Variants in USP9X observed in about 807,000 individuals in gnomAD.
USP9X encodes ubiquitin specific peptidase 9 X-linked.
A neutral mutation model predicts 190.3 loss-of-function variants in USP9X; 7 were observed. That is an observed-to-expected ratio of 0.04 (90% CI 0.02 to 0.07). The LOEUF (loss-of-function observed/expected upper bound fraction) is 0.07. USP9X is among the 10% of genes least tolerant of loss of function. The probability of loss-of-function intolerance (pLI) is 1.00; values close to 1 mark genes in which losing one functional copy is unlikely to be tolerated. For synonymous variants in USP9X, 645 were observed against 659.5 expected (o/e 0.98, Z 0.34); for missense variants, 1,010 against 1,916.9 (o/e 0.53, Z 8.83).
chrX:41,170,561 A>G lies in USP9X; in HGVS notation c.2969A>G (p.His990Arg), dbSNP rs1303152856. The change falls in exon 20 of 45, where the codon CAT (histidine) becomes CGT (arginine). Residue 990 changes from histidine (H) to arginine (R), a missense_variant. Around this residue, in one of 11 missense-constraint regions of USP9X, gnomAD observed 351 missense variants for 480.8 expected, o/e 0.73. Transcript: ENST00000378308. ...TCCTCCACTGGATCTCCTGGAAACC[A>G]TGGTAATCATTACAGTGATGGTCCC... ...SDSSTGSPGN[H>R]GNHYSDGPNP... 2.5e-6 allele frequency: 3 copies of G among 1,211,614 alleles called. No homozygotes were observed. Among genetic ancestry groups the G allele is most frequent in the South Asian group, 3.5e-5 (2 of 56,976 alleles).
chrX:41,201,297 A>AT lies in USP9X; in HGVS notation c.4824+20dup. 1 of 1,179,180 alleles carries AT rather than the reference A, an allele frequency of 8.5e-7. No homozygotes were observed. Among genetic ancestry groups the AT allele is most frequent in the Non-Finnish European group, 1.2e-6 (1 of 866,088 alleles). On this transcript the variant is annotated intron_variant, in intron 31 of 44. Coordinates refer to ENST00000378308, the MANE Select transcript of USP9X (RefSeq NM_001039591.3). ...GACAATGAGGTAAATTTGAGTTACCATTTCTGTTTTCTGTGTTTCAAGTTA... is the reference window on the plus strand; with the variant it reads ...GACAATGAGGTAAATTTGAGTTACCATTTTCTGTTTTCTGTGTTTCAAGTTA...
At chrX:41,148,290 G>C (rs2062488816) in intron 11 of USP9X, 79 bp from the exon 12 acceptor site, 4 of 1,048,578 alleles carry the variant, frequency 3.8e-6, no homozygotes, top group African/African-American at 1.8e-5. Flanking sequence ...TGATGAATTT[G>C]AATATAGTTA....
intron 29 of USP9X, among the ~76,000 whole-genome samples, chrX:41,198,197 T>C (rs2063005565): frequency 8.9e-6 from 1 of 112,136 alleles, no homozygotes; most frequent in Admixed American, 9.4e-5. Flanking sequence ...AAAGTTTCAT[T>C]TTTGTACATT....
At chrX:41,197,645 A>G (rs2062997885) in intron 29 of USP9X, 135 bp downstream of exon 29, 5 of 552,311 alleles carry the variant, frequency 9.1e-6, no homozygotes, top group South Asian at 5.6e-5. Context: ...ATCTTTATCA[A>G]ATTTACAGTA....
chrX:41,148,999 TC>T (rs1228278367), intron 12 of USP9X, among the ~76,000 whole-genome samples: 1 of 112,142 alleles, frequency 8.9e-6, no homozygotes, highest in African/African-American at 3.2e-5. Context: ...TCACACAGTT[TC>T]CCTACATTCT....
intron 1 of USP9X, among the ~76,000 whole-genome samples, chrX:41,096,813 ACT>A (rs755496681): frequency 1.8e-5 from 2 of 111,586 alleles, no homozygotes; most frequent in African/African-American, 6.5e-5. Flanking sequence ...GGTCTTCATG[ACT>A]CTGTAAAACC....
chrX:41,209,042 G>A (rs1321912049), intron 32 of USP9X, among the ~76,000 whole-genome samples: 1 of 111,505 alleles, frequency 9.0e-6, no homozygotes, highest in East Asian at 2.8e-4. Flanking sequence ...TTGCAAACAG[G>A]ACGCTTCACC....
At chrX:41,088,765 C>CT (rs1055501849) in intron 1 of USP9X, among the ~76,000 whole-genome samples, 12 of 101,654 alleles carry the variant, frequency 1.2e-4, no homozygotes, top group Non-Finnish European at 1.6e-4. Context: ...AATTGTTTTT[C>CT]TTTTTTTTTT....
chrX:41,172,148 CAAAA>C (rs143523515), intron 21 of USP9X, among the ~76,000 whole-genome samples, 190 bp downstream of exon 21: 1 of 105,244 alleles, frequency 9.5e-6, no homozygotes, highest in Non-Finnish European at 2.0e-5. Flanking sequence ...TAAGTGGCTA[CAAAA>C]AAAAAATCTA....
chrX:41,142,491 G>A (rs1170770810), intron 9 of USP9X, among the ~76,000 whole-genome samples: 1 of 111,560 alleles, frequency 9.0e-6, no homozygotes, highest in Non-Finnish European at 1.9e-5. Context: ...AAACATATGT[G>A]TATATATGTA....
chrX:41,230,881 T>C (rs1444785221), intron 44 of USP9X, among the ~76,000 whole-genome samples: 1 of 111,459 alleles, frequency 9.0e-6, no homozygotes, highest in Non-Finnish European at 1.9e-5. Context: ...GATCATTGTT[T>C]AGTGCAAAGG....
At chrX:41,094,262 C>T (rs914599290) in intron 1 of USP9X, among the ~76,000 whole-genome samples, 1 of 108,438 alleles carries the variant, frequency 9.2e-6, no homozygotes, top group Non-Finnish European at 1.9e-5. Flanking sequence ...CTGCAACCTC[C>T]GCCTCCTGGG....
intron 1 of USP9X, among the ~76,000 whole-genome samples, chrX:41,099,291 A>G (rs2062018967): frequency 9.2e-6 from 1 of 108,957 alleles, no homozygotes; most frequent in South Asian, 4.0e-4. Flanking sequence ...GAATGTTGCC[A>G]TGAACACTTT....
rs750730418 is a variant in USP9X at position 41,184,513 on chromosome X, A to G, written c.3396A>G (p.Arg1132=). The G allele has an allele frequency of 4.1e-6, 5 of 1,211,011 alleles. No individual in the cohort carries two copies. Among genetic ancestry groups the G allele is most frequent in the East Asian group, 5.9e-5 (2 of 33,818 alleles). ...GLPLVLSMLT[R]NNFLPNADME... ...CCCTTGTACTGAGTATGCTAACCAG[A>G]AATAACTTCCTACCGAATGCAGATA... The change falls in exon 23 of 45, where the codon AGA becomes AGG. Residue 1132 remains arginine (R), a synonymous_variant. Transcript: ENST00000378308.
At chrX:41,206,311 A>G (rs2063095779) in intron 32 of USP9X, among the ~76,000 whole-genome samples, 1 of 112,076 alleles carries the variant, frequency 8.9e-6, no homozygotes, top group Non-Finnish European at 1.9e-5. Context: ...TTTTTTTAAA[A>G]TTGCTTAATA....
chrX:41,108,193 C>G (rs765534344), intron 1 of USP9X, among the ~76,000 whole-genome samples: 1 of 112,038 alleles, frequency 8.9e-6, no homozygotes, highest in Non-Finnish European at 1.9e-5. Context: ...TGTGATGTTG[C>G]TCTTCAGCGG....
At chrX:41,166,957 G>T (rs1277129690) in intron 16 of USP9X, among the ~76,000 whole-genome samples, 3 of 111,596 alleles carry the variant, frequency 2.7e-5, no homozygotes. Context: ...TTCTTACTTG[G>T]TCTCCCCATG....
intron 1 of USP9X, among the ~76,000 whole-genome samples, chrX:41,110,138 G>T (rs1282706359): frequency 9.0e-6 from 1 of 111,019 alleles, no homozygotes; most frequent in African/African-American, 3.3e-5. Flanking sequence ...TCATTTTGTT[G>T]CCCAGGCTGG....
chrX:41,125,684 A>ACACACACTCTCTCTCTCT, intron 2 of USP9X, among the ~76,000 whole-genome samples: 5 of 19,023 alleles, frequency 2.6e-4, no homozygotes, highest in African/African-American at 4.4e-4. Flanking sequence ...ACACACACAC[A>ACACACACTCTCTCTCTCT]CTCTCTCTCT....
Sources: allele counts gnomAD v4.1 joint callset (sites outside exome capture counted in the v4.1 genomes callset), GRCh38; gene constraint gnomAD v4.1.1; regional missense constraint gnomAD v4.1.1; transcripts MANE v1.5; gene names NCBI Gene and HGNC (gene_info 2026-07-23, HGNC 2026-07-21).